Variants in LINGO2 observed in about 807,000 individuals in gnomAD.
The protein encoded by LINGO2 is leucine-rich repeat and immunoglobulin-like domain-containing nogo receptor-interacting protein 2.
A neutral mutation model predicts 30.6 loss-of-function variants in LINGO2; 14 were observed. The ratio of observed to expected loss-of-function variants is 0.46; its 90% CI spans 0.30 to 0.72. The LOEUF (loss-of-function observed/expected upper bound fraction) is 0.72. Among genes scored for constraint, LINGO2 ranks in the 30% least tolerant of loss-of-function variants. LINGO2 has a pLI of 0.07. For synonymous variants in LINGO2, 317 were observed against 288.5 expected, an observed-to-expected ratio of 1.10 and a Z score of -1.00; for missense variants, 729 against 751.7, an observed-to-expected ratio of 0.97 and a Z score of 0.35.
the LINGO2 span, among the ~76,000 whole-genome samples, chr9:28,783,498 G>T: frequency 1.1e-4 from 16 of 151,918 alleles, no homozygotes; most frequent in East Asian, 3.1e-3. Context: ...TGTAGACATG[G>T]AATCCACGGA....
chr9:28,465,213 G>A (rs1164477336), intron 2 of LINGO2, among the ~76,000 whole-genome samples: 1 of 152,152 alleles, frequency 6.6e-6, no homozygotes, highest in Non-Finnish European at 1.5e-5. Flanking sequence ...ATTCCAAGAG[G>A]AATGAGGTCA....
chr9:28,489,883 C>T (rs1359517880), intron 1 of LINGO2, among the ~76,000 whole-genome samples: 3 of 101,716 alleles, frequency 2.9e-5, no homozygotes, highest in South Asian at 3.2e-4. Context: ...GGAAACAGAG[C>T]AAGACTTTGT....
the LINGO2 span, among the ~76,000 whole-genome samples, chr9:28,742,529 A>T: frequency 1.3e-5 from 2 of 151,740 alleles, no homozygotes; most frequent in Non-Finnish European, 2.9e-5. Context: ...CTTCAAGTTT[A>T]TATTGAGTTC....
At chr9:28,519,702 A>G (rs190203771) in intron 1 of LINGO2, among the ~76,000 whole-genome samples, 1 of 152,334 alleles carries the variant, frequency 6.6e-6, no homozygotes, top group African/African-American at 2.4e-5. Context: ...ATCTTCATCA[A>G]GAAAACCTTT....
chr9:28,896,215 C>T, the LINGO2 span, among the ~76,000 whole-genome samples: 1 of 152,112 alleles, frequency 6.6e-6, no homozygotes, highest in Non-Finnish European at 1.5e-5. Flanking sequence ...ACAATGCAGG[C>T]AACTTTGTTG....
chr9:27,984,089 G>T (rs982220013), intron 5 of LINGO2, among the ~76,000 whole-genome samples: 2 of 151,856 alleles, frequency 1.3e-5, no homozygotes, highest in Admixed American at 6.6e-5. Context: ...GGACTGGGAA[G>T]AACAAACAGA....
intron 4 of LINGO2, among the ~76,000 whole-genome samples, chr9:28,256,636 G>T (rs1822392965): frequency 6.6e-6 from 1 of 151,936 alleles, no homozygotes; most frequent in Non-Finnish European, 1.5e-5. Flanking sequence ...AGCCAGCTAT[G>T]AGAGTGGGAA....
At chr9:28,843,765 C>T in the LINGO2 span, among the ~76,000 whole-genome samples, 1 of 151,672 alleles carries the variant, frequency 6.6e-6, no homozygotes, top group Non-Finnish European at 1.5e-5. Flanking sequence ...TTGTATTCAA[C>T]CTATTAAGTA....
the LINGO2 span, among the ~76,000 whole-genome samples, chr9:29,161,896 G>A: frequency 2.7e-4 from 41 of 151,348 alleles, no homozygotes; most frequent in African/African-American, 9.4e-4. Flanking sequence ...GGGTAGGGCT[G>A]AAAATATTCT....
At chr9:28,089,152 T>TCAAC (rs1303442878) in intron 4 of LINGO2, among the ~76,000 whole-genome samples, 2 of 152,074 alleles carry the variant, frequency 1.3e-5, no homozygotes, top group African/African-American at 4.8e-5. Context: ...ATTAGACAGA[T>TCAAC]CAACGAGACA....
the LINGO2 span, among the ~76,000 whole-genome samples, chr9:28,749,176 T>G: frequency 1.3e-5 from 2 of 152,036 alleles, no homozygotes; most frequent in African/African-American, 2.4e-5. Context: ...TGTTGTCATG[T>G]TTCTAACCTT....
At chr9:29,155,637 A>G in the LINGO2 span, among the ~76,000 whole-genome samples, 1 of 151,970 alleles carries the variant, frequency 6.6e-6, no homozygotes, top group East Asian at 1.9e-4. Flanking sequence ...TAAAAGAAAC[A>G]TTTAATTACT....
the LINGO2 span, among the ~76,000 whole-genome samples, chr9:28,953,417 T>C: frequency 6.6e-6 from 1 of 152,096 alleles, no homozygotes; most frequent in Non-Finnish European, 1.5e-5. Context: ...GAAAAACTTT[T>C]AACAATCGTC....
intron 1 of LINGO2, among the ~76,000 whole-genome samples, chr9:28,595,490 C>A (rs1825131213): frequency 6.6e-6 from 1 of 151,992 alleles, no homozygotes; most frequent in South Asian, 2.1e-4. Flanking sequence ...TACTAATTTT[C>A]AAAATACAAT....
chr9:28,519,491 A>T (rs1164915412), intron 1 of LINGO2, among the ~76,000 whole-genome samples: 2 of 152,224 alleles, frequency 1.3e-5, no homozygotes, highest in Non-Finnish European at 2.9e-5. Flanking sequence ...ATGTTAAAGC[A>T]TATATAGAAC....
intron 4 of LINGO2, among the ~76,000 whole-genome samples, chr9:28,221,664 G>C (rs1820971945): frequency 6.6e-6 from 1 of 152,068 alleles, no homozygotes; most frequent in Non-Finnish European, 1.5e-5. Context: ...GCTATTTTTA[G>C]ACAAACGACA....
In LINGO2 at chr9:28,612,259, T is replaced by C. The variant is rs147829112; in HGVS notation, c.-365+57941A>G. ...TTGTTTTTCAGTAGAGATGAGTTCT[T>C]GCTATATTGTGTAGGCTGGTCTCCA... is the stretch of plus-strand genomic sequence containing the variant. On this transcript the variant is annotated intron_variant, in intron 1 of 5. Transcript: ENST00000379992. 2.6e-4 allele frequency among the ~76,000 whole-genome samples: 39 copies of C among 152,212 alleles called. 2 individuals are homozygous for C. In the East Asian group the frequency reaches 7.5e-3, roughly 29 times the overall value.
intron 1 of LINGO2, among the ~76,000 whole-genome samples, chr9:28,570,759 A>T (rs535283828): frequency 2.2e-4 from 33 of 152,100 alleles, no homozygotes; most frequent in South Asian, 4.1e-4. Flanking sequence ...CAAACAGTAG[A>T]ACAAAAATTT....
the LINGO2 span, among the ~76,000 whole-genome samples, chr9:28,825,377 A>G: frequency 1.3e-5 from 2 of 151,844 alleles, no homozygotes; most frequent in African/African-American, 2.4e-5. Context: ...GAAGTCTGTG[A>G]GTCAGGAATT....
Sources: allele counts gnomAD v4.1 joint callset (sites outside exome capture counted in the v4.1 genomes callset), GRCh38; gene constraint gnomAD v4.1.1; transcripts MANE v1.5; gene names NCBI Gene and HGNC (gene_info 2026-07-23, HGNC 2026-07-21).